Variants in OR2M3 observed in about 807,000 individuals in gnomAD.
The protein encoded by OR2M3 is olfactory receptor 2M3.
In OR2M3, 1 loss-of-function variant was observed where a neutral mutation model predicts 4.3. The observed-to-expected ratio is 0.23, with a 90% CI of 0.08 to 1.11. The LOEUF is 1.11. Among genes scored for constraint, OR2M3 ranks in the 50% most tolerant of loss-of-function variants. The pLI, the probability that OR2M3 is intolerant of heterozygous loss-of-function variation, is 0.54. For missense variants in OR2M3, 410 were observed against 390.4 expected, an observed-to-expected ratio of 1.05 and a Z score of -0.42; for synonymous variants, 151 against 139.4, an observed-to-expected ratio of 1.08 and a Z score of -0.59.
chr1:248,203,064 C>T lies in OR2M3; in HGVS notation c.-4C>T. 1 of 1,608,818 alleles carries T rather than the reference C, an allele frequency of 6.2e-7. No individual in the cohort carries two copies. Among genetic ancestry groups the T allele is most frequent in the East Asian group, 2.2e-5 (1 of 44,852 alleles). ...TGTGGTACTAGGTAAAAAGCATACA[C>T]ATCATGGCAAGGGAGAATTCGACCT... On this transcript the variant is annotated 5_prime_UTR_variant, in exon 2 of 2. Transcript: ENST00000641626.
chr1:248,203,121 C>T lies in OR2M3; in HGVS notation c.54C>T (p.Phe18=). 1.9e-6 allele frequency: 3 copies of T among 1,613,892 alleles called. No homozygotes were observed. Among genetic ancestry groups the T allele is most frequent in the South Asian group, 1.1e-5 (1 of 91,046 alleles). The change falls in exon 2 of 2, where the codon TTC becomes TTT. Residue 18 remains phenylalanine (F), a synonymous_variant. Coordinates refer to ENST00000641626, the MANE Select transcript of OR2M3 (RefSeq NM_001004689.2). ...CCGACTTCATCCTCCTGGGAATCTT[C>T]AATCACAGCCCCACCCACACCTTCC... ...FNSDFILLGI[F]NHSPTHTFLF... is the part of the protein sequence containing the mutation.
Position 248,212,622 on chromosome 1 carries a change from A to T in OR2M3, c.*8616A>T, listed in dbSNP as rs1003625749. 5 of 151,996 alleles carry T rather than the reference A, an allele frequency of 3.3e-5. No individual in the cohort carries two copies. The highest frequency in any genetic ancestry group is 7.4e-5 in the Non-Finnish European group (5 of 67,954). The allele number at this position is 151,996 out of a possible 1,614,324, so 9.4% of individuals were successfully genotyped here. On this transcript the variant is annotated 3_prime_UTR_variant, in exon 2 of 2. Transcript: ENST00000641626. ...TGGTATTAAAGAAGCATTTTCCAAA[A>T]GTTATTGTTTTATAATTTTAAACAT...
rs763527782 is a variant in OR2M3 at position 248,205,255 on chromosome 1, G to C, written c.*1249G>C. ...ACTCTATGGGTTGTCTATTTACTCT[G>C]CTGACCGTTCCTTTTGCAGTGCAAA... On this transcript the variant is annotated 3_prime_UTR_variant, in exon 2 of 2. Coordinates refer to ENST00000641626, the MANE Select transcript of OR2M3 (RefSeq NM_001004689.2). 3 of 151,946 alleles carry C rather than the reference G, an allele frequency of 2.0e-5. No homozygotes were observed. The East Asian group carries it at 5.8e-4, about 29-fold the overall frequency. The allele number at this position is 151,946 out of a possible 1,614,324, so 9.4% of individuals were successfully genotyped here.
chr1:248,201,382 C>T (rs1288899187), intron 1 of OR2M3, among the ~76,000 whole-genome samples: 1 of 152,064 alleles, frequency 6.6e-6, no homozygotes, highest in African/African-American at 2.4e-5. Context: ...TGAACATACT[C>T]ATGCAATTCT....
chr1:248,198,704 C>G (rs1011154310), intron 1 of OR2M3, among the ~76,000 whole-genome samples: 3 of 152,152 alleles, frequency 2.0e-5, no homozygotes, highest in Admixed American at 6.6e-5. Context: ...TACTATTGCT[C>G]TGGCAGGTGT....
chr1:248,204,166 CTA>C lies in OR2M3; in HGVS notation c.*162_*163del, dbSNP rs1203055454. 1 of 565,144 alleles carries C rather than the reference CTA, an allele frequency of 1.8e-6. No individual in the cohort carries two copies. The highest frequency in any genetic ancestry group is 1.9e-5 in the African/African-American group (1 of 52,792). 35.0% of individuals were successfully genotyped at this position (565,144 alleles called of 1,614,324 possible). A position where few individuals can be genotyped will look rare whatever the true frequency, so the allele number is the denominator to read the frequency against. On this transcript the variant is annotated 3_prime_UTR_variant, in exon 2 of 2. Transcript: ENST00000641626. ...ATTTATTTCAGATAAACTATTATAA[CTA>C]TTTATTATTTTATATTCATTTCTGC...
chr1:248,206,669 G>T lies in OR2M3; in HGVS notation c.*2663G>T, dbSNP rs1173838636. On this transcript the variant is annotated 3_prime_UTR_variant, in exon 2 of 2. Coordinates refer to ENST00000641626, the MANE Select transcript of OR2M3 (RefSeq NM_001004689.2). ...CTGGTATGAAACTCACTTAATTATG[G>T]GTGGATTAGCTTTTCGATATGCTGT... The T allele has an allele frequency of 6.6e-6, 1 of 151,948 alleles. No individual in the cohort carries two copies. Among genetic ancestry groups the T allele is most frequent in the Non-Finnish European group, 1.5e-5 (1 of 67,952 alleles). 9.4% of individuals were successfully genotyped at this position (151,948 alleles called of 1,614,324 possible). A position where few individuals can be genotyped will look rare whatever the true frequency, so the allele number is the denominator to read the frequency against.
Position 248,206,474 on chromosome 1 carries a change from A to G in OR2M3, c.*2468A>G, listed in dbSNP as rs988337806. The stretch of plus-strand genomic sequence containing the variant: ...CTTTGATTACCTTAACGTCACCTCT[A>G]TGTCCCTTCGTGTTGATTTTGCTTA... On this transcript the variant is annotated 3_prime_UTR_variant, in exon 2 of 2. Coordinates refer to ENST00000641626, the MANE Select transcript of OR2M3 (RefSeq NM_001004689.2). The G allele has an allele frequency of 1.3e-5, 2 of 151,786 alleles. No homozygotes were observed. The highest frequency in any genetic ancestry group is 1.9e-4 in the East Asian group (1 of 5,186). The allele number at this position is 151,786 out of a possible 1,614,324, so 9.4% of individuals were successfully genotyped here.
chr1:248,200,685 C>T (rs1025680252), intron 1 of OR2M3, among the ~76,000 whole-genome samples: 1 of 152,120 alleles, frequency 6.6e-6, no homozygotes, highest in African/African-American at 2.4e-5. Context: ...TCTGCATCTT[C>T]CCAGCCCTTA....
rs1374571596 is a variant in OR2M3 at position 248,209,677 on chromosome 1, G to T, written c.*5671G>T. On this transcript the variant is annotated 3_prime_UTR_variant, in exon 2 of 2. Coordinates refer to ENST00000641626, the MANE Select transcript of OR2M3 (RefSeq NM_001004689.2). ...TCAGGTCTTGCAGCCATGGATACCA[G>T]TTCCTGCTCCAGTCGATGTAGCAGG... 6.6e-6 allele frequency: 1 copy of T among 152,250 alleles called. No homozygotes were observed. Among genetic ancestry groups the T allele is most frequent in the Non-Finnish European group, 1.5e-5 (1 of 68,088 alleles). 9.4% of individuals were successfully genotyped at this position (152,250 alleles called of 1,614,324 possible).
rs5782455 is a variant in OR2M3, at chr1:248,202,765, T to TA, written c.-18-272dup. Among the ~76,000 whole-genome samples the TA allele has an allele frequency of 1.3e-3, 199 of 148,218 alleles. 1 individual carries two copies. The highest frequency in any genetic ancestry group is 3.4e-3 in the Middle Eastern group (1 of 290). The stretch of plus-strand genomic sequence containing the variant: ...AACTATCTGTTTCCCTTGGAGACTT[T>TA]AAAAAAAAAAAAACTCCATCCATTA... On this transcript the variant is annotated intron_variant, in intron 1 of 1. Transcript: ENST00000641626.
intron 1 of OR2M3, among the ~76,000 whole-genome samples, chr1:248,199,787 C>T (rs994297856): frequency 1.7e-4 from 26 of 152,096 alleles, no homozygotes; most frequent in East Asian, 9.6e-4. Flanking sequence ...CCATATTCTC[C>T]GTGACAGGGC....
At chr1:248,198,304 A>G (rs1666119626) in intron 1 of OR2M3, among the ~76,000 whole-genome samples, 2 of 152,166 alleles carry the variant, frequency 1.3e-5, no homozygotes, top group Non-Finnish European at 2.9e-5. Flanking sequence ...TACTCATAAT[A>G]GGATTCATGA....
intron 1 of OR2M3, among the ~76,000 whole-genome samples, chr1:248,198,775 T>A (rs1390356569): frequency 1.3e-5 from 2 of 152,188 alleles, no homozygotes; most frequent in East Asian, 3.8e-4. Flanking sequence ...TTGGCATTGC[T>A]CAGGCATGTG....
At chr1:248,197,665 C>T (rs904973550) in intron 1 of OR2M3, among the ~76,000 whole-genome samples, 5 of 152,030 alleles carry the variant, frequency 3.3e-5, no homozygotes, top group Non-Finnish European at 5.9e-5. Context: ...ATTTTGGCCA[C>T]GTTCTCTTTT....
rs1401182554 is a variant in OR2M3 at position 248,207,356 on chromosome 1, T to G, written c.*3350T>G. 6 of 152,098 alleles carry G rather than the reference T, an allele frequency of 3.9e-5. No homozygotes were observed. The highest frequency in any genetic ancestry group is 1.2e-4 in the African/African-American group (5 of 41,432). The allele number at this position is 152,098 out of a possible 1,614,324, so 9.4% of individuals were successfully genotyped here. On this transcript the variant is annotated 3_prime_UTR_variant, in exon 2 of 2. Coordinates refer to ENST00000641626, the MANE Select transcript of OR2M3 (RefSeq NM_001004689.2). ...TCTTTTCTTCTTCTGGGTTTGGGTT[T>G]GGATTGTTCTTGTTTCTCCTGTTCT... is the stretch of plus-strand genomic sequence containing the variant.
chr1:248,210,309 C>G lies in OR2M3; in HGVS notation c.*6303C>G, dbSNP rs1035054051. 6.6e-6 allele frequency: 1 copy of G among 152,544 alleles called. No homozygotes were observed. Among genetic ancestry groups the G allele is most frequent in the African/African-American group, 2.4e-5 (1 of 41,434 alleles). The allele number at this position is 152,544 out of a possible 1,614,324, so 9.4% of individuals were successfully genotyped here. A position where few individuals can be genotyped will look rare whatever the true frequency, so the allele number is the denominator to read the frequency against. ...AAACAGACTCACAGGTTTTCATTGT[C>G]TCAGGGAGCCTGCAGTGGTGATCCA... On this transcript the variant is annotated 3_prime_UTR_variant, in exon 2 of 2. Coordinates refer to ENST00000641626, the MANE Select transcript of OR2M3 (RefSeq NM_001004689.2).
At position 248,211,775 on chromosome 1, in the gene OR2M3, A is replaced by G. The variant is rs143368268; in HGVS notation, c.*7769A>G. The stretch of plus-strand genomic sequence containing the variant: ...TAATTTCCTAATTTGGCCAAGTGGC[A>G]TGGGCTGAGCTAATTTTTGTATTTT... On this transcript the variant is annotated 3_prime_UTR_variant, in exon 2 of 2. Coordinates refer to ENST00000641626, the MANE Select transcript of OR2M3 (RefSeq NM_001004689.2). 3.7e-4 allele frequency: 56 copies of G among 152,192 alleles called. 1 individual carries two copies. Among genetic ancestry groups the G allele is most frequent in the African/African-American group, 1.3e-3 (53 of 41,444 alleles). 9.4% of individuals were successfully genotyped at this position (152,192 alleles called of 1,614,324 possible). A position where few individuals can be genotyped will look rare whatever the true frequency, so the allele number is the denominator to read the frequency against.
At chr1:248,199,130 A>G (rs1355756584) in intron 1 of OR2M3, among the ~76,000 whole-genome samples, 2 of 152,050 alleles carry the variant, frequency 1.3e-5, no homozygotes, top group African/African-American at 4.8e-5. Context: ...GTTTATTACA[A>G]AAGAAACATA....
Sources: gnomAD v4.1 joint callset for allele counts (sites outside exome capture counted in the v4.1 genomes callset) on GRCh38, gnomAD v4.1.1 for gene constraint, MANE v1.5 for transcripts, NCBI Gene and HGNC (gene_info 2026-07-23, HGNC 2026-07-21) for gene names.